Variants in OXR1 observed in about 807,000 individuals in gnomAD.
The protein encoded by OXR1 is oxidation resistance 1.
Under a neutral mutation model 104.6 loss-of-function variants are expected in OXR1, and 41 were observed. The ratio of observed to expected loss-of-function variants is 0.39; its 90% confidence interval spans 0.31 to 0.51. OXR1 has a LOEUF of 0.51. Ranked by LOEUF, OXR1 falls within the 20% of genes least tolerant of loss-of-function variation. The pLI is 0.77. For missense variants in OXR1, 955 were observed against 1,031.9 expected, an observed-to-expected ratio of 0.93 and a Z score of 1.02; for synonymous variants, 348 against 348.4, an observed-to-expected ratio of 1.00 and a Z score of 0.01.
chr8:106,435,681 G>C (rs1699382541), intron 2 of OXR1, among the ~76,000 whole-genome samples: 1 of 152,158 alleles, frequency 6.6e-6, no homozygotes, highest in Non-Finnish European at 1.5e-5. Context: ...CGTGAAATAA[G>C]AGTGATACTA....
intron 3 of OXR1, among the ~76,000 whole-genome samples, chr8:106,621,417 C>T (rs1821687011): frequency 6.6e-6 from 1 of 151,848 alleles, no homozygotes; most frequent in African/African-American, 2.4e-5. Flanking sequence ...CACCAATTCA[C>T]TCCAGCCTGG....
chr8:106,516,873 C>T lies in OXR1; in HGVS notation c.24-2070C>T, dbSNP rs185235789. ...TATTATTGTTAATCTCTTACTGTGC[C>T]TAATTTATAAATTAAACTTTATCAT... is the stretch of plus-strand genomic sequence containing the variant. On this transcript the variant is annotated intron_variant, in intron 2 of 16. Transcript: ENST00000517566. Among the ~76,000 whole-genome samples the T allele has an allele frequency of 3.1e-3, 473 of 151,972 alleles. 6 individuals are homozygous for T. The highest frequency in any genetic ancestry group is 0.015 in the Admixed American group (227 of 15,262).
intron 11 of OXR1, among the ~76,000 whole-genome samples, chr8:106,721,073 A>T (rs1333822455): frequency 2.0e-5 from 3 of 152,088 alleles, no homozygotes; most frequent in Non-Finnish European, 1.5e-5. Context: ...GAGGCTGTAT[A>T]CTAGAATTTT....
At chr8:106,284,751 A>C (rs944326959) in intron 1 of OXR1, among the ~76,000 whole-genome samples, 1 of 152,080 alleles carries the variant, frequency 6.6e-6, no homozygotes, top group African/African-American at 2.4e-5. Context: ...TTTGCCTTTG[A>C]AGAATTGTTT....
At chr8:106,443,558 T>C (rs1819882474) in intron 2 of OXR1, among the ~76,000 whole-genome samples, 2 of 152,140 alleles carry the variant, frequency 1.3e-5, no homozygotes, top group African/African-American at 2.4e-5. Context: ...TCTTTATAGG[T>C]CTCTAAGAAC....
At chr8:106,593,606 G>A (rs1360248573) in intron 3 of OXR1, among the ~76,000 whole-genome samples, 3 of 147,356 alleles carry the variant, frequency 2.0e-5, no homozygotes, top group East Asian at 2.1e-4. Context: ...GTGAAACCCC[G>A]TCTCTGCTAA....
intron 12 of OXR1, among the ~76,000 whole-genome samples, chr8:106,739,172 A>C (rs1446285156): frequency 6.6e-6 from 1 of 151,906 alleles, no homozygotes; most frequent in Non-Finnish European, 1.5e-5. Context: ...TTAAAGATGC[A>C]TGCAACTATC....
In OXR1 at chr8:106,497,904, G is replaced by T. The variant is rs61677096; in HGVS notation, c.24-21039G>T. 3.2e-3 allele frequency among the ~76,000 whole-genome samples: 493 copies of T among 152,080 alleles called. 4 individuals are homozygous for T. Among genetic ancestry groups the T allele is most frequent in the African/African-American group, 0.011 (471 of 41,464 alleles). ...ATGAAATATGGACATTTTAATTTCT[G>T]CCCACTTGTGGCCCTGTTTTTTTCC... On this transcript the variant is annotated intron_variant, in intron 2 of 16. Coordinates refer to ENST00000517566, the MANE Select transcript of OXR1 (RefSeq NM_001198533.2).
At chr8:106,362,654 T>C (rs1182031485) in intron 2 of OXR1, among the ~76,000 whole-genome samples, 1 of 152,138 alleles carries the variant, frequency 6.6e-6, no homozygotes, top group East Asian at 1.9e-4. Flanking sequence ...TCCTATTTAG[T>C]AAATAATGAT....
At chr8:106,287,476 A>G (rs570333531) in intron 1 of OXR1, among the ~76,000 whole-genome samples, 3 of 152,324 alleles carry the variant, frequency 2.0e-5, no homozygotes, top group Non-Finnish European at 4.4e-5. Context: ...AATGGTCTCC[A>G]AGTACATTAT....
chr8:106,351,852 A>AT (rs1316009247), intron 1 of OXR1, among the ~76,000 whole-genome samples: 1 of 152,176 alleles, frequency 6.6e-6, no homozygotes, highest in Non-Finnish European at 1.5e-5. Flanking sequence ...TTTACATAAA[A>AT]TTTTTATCAT....
intron 1 of OXR1, among the ~76,000 whole-genome samples, chr8:106,281,470 T>C (rs1218140093): frequency 6.6e-6 from 1 of 152,146 alleles, no homozygotes; most frequent in Non-Finnish European, 1.5e-5. Context: ...GAAAGTTTCA[T>C]GAAAACGTTC....
At chr8:106,542,650 T>A (rs192232441) in intron 3 of OXR1, among the ~76,000 whole-genome samples, 3 of 152,088 alleles carry the variant, frequency 2.0e-5, no homozygotes, top group Non-Finnish European at 4.4e-5. Context: ...TCAGTAAAAC[T>A]GTGGTAGCAT....
chr8:106,524,693 G>A (rs1364811558), intron 3 of OXR1, among the ~76,000 whole-genome samples: 2 of 152,216 alleles, frequency 1.3e-5, no homozygotes, highest in Admixed American at 1.3e-4. Context: ...TTGGGAAAGA[G>A]CGTGCCTGGT....
intron 1 of OXR1, among the ~76,000 whole-genome samples, chr8:106,294,146 T>C (rs527794363): frequency 6.6e-6 from 1 of 152,062 alleles, no homozygotes; most frequent in African/African-American, 2.4e-5. Flanking sequence ...GTCCCGTCTG[T>C]ATTCCTGGCA....
chr8:106,565,013 C>G (rs1002859838), intron 3 of OXR1, among the ~76,000 whole-genome samples: 2 of 152,200 alleles, frequency 1.3e-5, no homozygotes, highest in Non-Finnish European at 2.9e-5. Flanking sequence ...GACAAGCCCG[C>G]AGCCAATATC....
chr8:106,733,989 A>AT (rs34442106), intron 11 of OXR1, among the ~76,000 whole-genome samples: 17,328 of 140,362 alleles, frequency 0.12, 1,360 homozygotes, highest in East Asian at 0.32. Context: ...TTAATTCTGG[A>AT]TTTTTTTTTT....
intron 3 of OXR1, among the ~76,000 whole-genome samples, chr8:106,633,030 T>A (rs1307527613): frequency 6.6e-6 from 1 of 151,626 alleles, no homozygotes; most frequent in African/African-American, 2.4e-5. Context: ...GCTCAGGAGT[T>A]CAAGACAAGC....
intron 3 of OXR1, among the ~76,000 whole-genome samples, chr8:106,668,223 T>A (rs1434131859): frequency 6.6e-6 from 1 of 152,206 alleles, no homozygotes; most frequent in Non-Finnish European, 1.5e-5. Flanking sequence ...TAGAATGTCC[T>A]CCTTGATTCT....
Sources: gnomAD v4.1 joint callset for allele counts (sites outside exome capture counted in the v4.1 genomes callset) on GRCh38, gnomAD v4.1.1 for gene constraint, MANE v1.5 for transcripts, NCBI Gene and HGNC (gene_info 2026-07-23, HGNC 2026-07-21) for gene names.